Variants in LHFPL3 observed in about 807,000 individuals in gnomAD.
LHFPL3 encodes the protein LHFPL tetraspan subfamily member 3, also known as LHFPL tetraspan subfamily member 3 protein.
A neutral mutation model predicts 19.3 loss-of-function variants in LHFPL3; 5 were observed. That is an observed-to-expected ratio of 0.26 (90% confidence interval 0.14 to 0.54). LHFPL3 has a LOEUF of 0.54. Among genes scored for constraint, LHFPL3 ranks in the 20% least tolerant of loss-of-function variants. The pLI is 0.94. For missense variants in LHFPL3, 249 were observed against 307.4 expected (o/e 0.81, Z 1.42); for synonymous variants, 133 against 126.2 (o/e 1.05, Z -0.36).
At chr7:104,531,157 A>G (rs1465520644) in intron 1 of LHFPL3, among the ~76,000 whole-genome samples, 6 of 152,098 alleles carry the variant, frequency 3.9e-5, no homozygotes, top group Admixed American at 3.9e-4. Context: ...AATGACAATT[A>G]TTGCATCTTT....
Position 104,737,813 on chromosome 7 carries a change from A to G in LHFPL3, c.682+902A>G, listed in dbSNP as rs202129744. 3.4e-4 allele frequency among the ~76,000 whole-genome samples: 51 copies of G among 152,146 alleles called. No homozygotes were observed. The South Asian group carries it at 5.4e-3, about 16-fold the overall frequency. On this transcript the variant is annotated intron_variant, in intron 2 of 2. Coordinates refer to ENST00000424859, the MANE Select transcript of LHFPL3 (RefSeq NM_199000.3). Reference sequence around the variant, plus strand: ...CTTCTAGCTCTTATTTCTAATTGGGAGCTAAATCCATCCTTGAAGTATGAG... The same window carrying G: ...CTTCTAGCTCTTATTTCTAATTGGGGGCTAAATCCATCCTTGAAGTATGAG...
At chr7:104,479,867 G>T (rs188745513) in intron 1 of LHFPL3, among the ~76,000 whole-genome samples, 1 of 152,286 alleles carries the variant, frequency 6.6e-6, no homozygotes, top group Non-Finnish European at 1.5e-5. Context: ...AATACTTCCT[G>T]TTGGTGGAGC....
intron 1 of LHFPL3, among the ~76,000 whole-genome samples, chr7:104,626,405 G>A (rs1387259852): frequency 6.6e-6 from 1 of 152,156 alleles, no homozygotes; most frequent in African/African-American, 2.4e-5. Context: ...CCTCTGGTTT[G>A]CATTTAAGCA....
chr7:104,507,709 T>C (rs1265146953), intron 1 of LHFPL3, among the ~76,000 whole-genome samples: 1 of 131,904 alleles, frequency 7.6e-6, no homozygotes, highest in African/African-American at 2.8e-5. Context: ...AACCTACTCA[T>C]CTGACAAAGG....
At chr7:104,614,590 T>A (rs1328025316) in intron 1 of LHFPL3, among the ~76,000 whole-genome samples, 1 of 30,264 alleles carries the variant, frequency 3.3e-5, no homozygotes, top group African/African-American at 8.8e-5. Context: ...TTCTCTTCTC[T>A]CTCTTCTCTT....
At chr7:104,830,339 G>C (rs1244850188) in intron 2 of LHFPL3, among the ~76,000 whole-genome samples, 2 of 151,768 alleles carry the variant, frequency 1.3e-5, no homozygotes, top group Non-Finnish European at 2.9e-5. Flanking sequence ...AGTTTAATTA[G>C]ATCCCATTTG....
chr7:104,385,485 T>C (rs1336208507), intron 1 of LHFPL3, among the ~76,000 whole-genome samples: 1 of 152,222 alleles, frequency 6.6e-6, no homozygotes, highest in Non-Finnish European at 1.5e-5. Flanking sequence ...TCTGCAAAGC[T>C]GAAGGCTGGA....
At chr7:104,655,197 C>T (rs1792099956) in intron 1 of LHFPL3, among the ~76,000 whole-genome samples, 2 of 152,158 alleles carry the variant, frequency 1.3e-5, no homozygotes, top group Admixed American at 1.3e-4. Context: ...TTATTTTTCA[C>T]TCCATATGCT....
rs148491513 is a variant in LHFPL3 at position 104,886,874 on chromosome 7, A to G, written c.683-19313A>G. On this transcript the variant is annotated intron_variant, in intron 2 of 2. Coordinates refer to ENST00000424859, the MANE Select transcript of LHFPL3 (RefSeq NM_199000.3). ...GCTAAGCTGCTCTCTCTGAAAATCA[A>G]GCACATTCCAGAAATCACATTAAAA... is the stretch of plus-strand genomic sequence containing the variant. Among the ~76,000 whole-genome samples the G allele has an allele frequency of 1.2e-3, 182 of 152,342 alleles. 1 individual carries two copies. The highest frequency in any genetic ancestry group is 2.2e-3 in the Non-Finnish European group (147 of 68,024).
At chr7:104,338,641 C>G (rs1443500429) in intron 1 of LHFPL3, among the ~76,000 whole-genome samples, 1 of 152,108 alleles carries the variant, frequency 6.6e-6, no homozygotes, top group Non-Finnish European at 1.5e-5. Context: ...ATAAAATATA[C>G]TTAACCTAAG....
intron 1 of LHFPL3, among the ~76,000 whole-genome samples, chr7:104,561,797 G>C (rs1205405876): frequency 6.6e-6 from 1 of 152,122 alleles, no homozygotes; most frequent in Non-Finnish European, 1.5e-5. Context: ...TTACATTTTG[G>C]CATGATTTTG....
intron 1 of LHFPL3, among the ~76,000 whole-genome samples, chr7:104,664,474 A>C (rs2116002396): frequency 6.6e-6 from 1 of 152,306 alleles, no homozygotes; most frequent in Admixed American, 6.5e-5. Flanking sequence ...TTTCCTCAGC[A>C]TGATAACTCC....
intron 1 of LHFPL3, among the ~76,000 whole-genome samples, chr7:104,505,962 A>T (rs1381561161): frequency 6.6e-6 from 1 of 152,210 alleles, no homozygotes; most frequent in Non-Finnish European, 1.5e-5. Context: ...CACATAATAC[A>T]TAGGCATTTC....
At chr7:104,715,051 G>A (rs1021199532) in intron 1 of LHFPL3, among the ~76,000 whole-genome samples, 3 of 152,056 alleles carry the variant, frequency 2.0e-5, no homozygotes, top group Non-Finnish European at 2.9e-5. Flanking sequence ...TTAACAATAT[G>A]TGCACTTTGG....
At chr7:104,708,445 T>C (rs1793232229) in intron 1 of LHFPL3, among the ~76,000 whole-genome samples, 1 of 152,224 alleles carries the variant, frequency 6.6e-6, no homozygotes, top group Non-Finnish European at 1.5e-5. Flanking sequence ...ATTCCCAGAC[T>C]GCCTCAGCTT....
At chr7:104,666,667 G>A (rs1172913052) in intron 1 of LHFPL3, among the ~76,000 whole-genome samples, 1 of 148,194 alleles carries the variant, frequency 6.7e-6, no homozygotes, top group East Asian at 2.0e-4. Context: ...GACTACAGGC[G>A]CCCGCCACTA....
At chr7:104,602,496 A>G (rs946165567) in intron 1 of LHFPL3, among the ~76,000 whole-genome samples, 14 of 152,198 alleles carry the variant, frequency 9.2e-5, no homozygotes, top group African/African-American at 3.1e-4. Flanking sequence ...TGTCATGTGT[A>G]TGTCCATGTC....
chr7:104,890,274 C>T (rs1242196184), intron 2 of LHFPL3, among the ~76,000 whole-genome samples: 1 of 152,096 alleles, frequency 6.6e-6, no homozygotes, highest in Non-Finnish European at 1.5e-5. Flanking sequence ...CTTCACTCAC[C>T]TGGTCAACAA....
At chr7:104,329,297 G>C in intron 1 of LHFPL3, 73 bp downstream of exon 1, 2 of 1,511,726 alleles carry the variant, frequency 1.3e-6, no homozygotes, top group Non-Finnish European at 1.8e-6. Flanking sequence ...CAGAGTGGGA[G>C]GGACGGGGGC....
Sources: allele counts gnomAD v4.1 joint callset (sites outside exome capture counted in the v4.1 genomes callset), GRCh38; gene constraint gnomAD v4.1.1; transcripts MANE v1.5; gene names NCBI Gene and HGNC (gene_info 2026-07-23, HGNC 2026-07-21).